Variants in TNKS2 observed in about 807,000 individuals in gnomAD.
TNKS2 encodes the protein poly [ADP-ribose] polymerase tankyrase-2.
TNKS2 carries 72 observed loss-of-function variants against 137.6 expected under a neutral mutation model. That is an observed-to-expected ratio of 0.52 (90% CI 0.43 to 0.64). The LOEUF is 0.64. Ranked by LOEUF, TNKS2 falls within the 30% of genes least tolerant of loss-of-function variation. TNKS2 has a pLI of 0.00. For synonymous variants in TNKS2, 516 were observed against 512.1 expected, an observed-to-expected ratio of 1.01 and a Z score of -0.10; for missense variants, 1,049 against 1,410.2, an observed-to-expected ratio of 0.74 and a Z score of 4.10.
At chr10:91,832,173 T>C (rs2133636569) in intron 11 of TNKS2, among the ~76,000 whole-genome samples, 1 of 152,336 alleles carries the variant, frequency 6.6e-6, no homozygotes, top group South Asian at 2.1e-4. Context: ...AATTATTGAA[T>C]AAAATAAAGT....
intron 1 of TNKS2, among the ~76,000 whole-genome samples, chr10:91,803,265 C>A (rs1033539718): frequency 1.3e-5 from 2 of 152,204 alleles, no homozygotes; most frequent in Non-Finnish European, 2.9e-5. Context: ...ATAATCCCAG[C>A]ACTCTGGGAG....
chr10:91,824,389 T>C (rs1409160097), intron 7 of TNKS2, among the ~76,000 whole-genome samples: 1 of 152,194 alleles, frequency 6.6e-6, no homozygotes, highest in Non-Finnish European at 1.5e-5. Context: ...ATTCAAATAA[T>C]GAAGGTCTGG....
intron 16 of TNKS2, 151 bp downstream of exon 16, chr10:91,842,542 G>A: frequency 1.4e-6 from 1 of 709,822 alleles, no homozygotes; most frequent in South Asian, 1.9e-5. Flanking sequence ...ATGAGGCTAA[G>A]GCAGGAGGAT....
At position 91,822,289 on chromosome 10, in the gene TNKS2, A is replaced by C. The variant is rs763280796; in HGVS notation, c.729-7A>C. On this transcript the variant is annotated splice_region_variant and splice_polypyrimidine_tract_variant and intron_variant, in intron 6 of 26. Coordinates refer to ENST00000371627, the MANE Select transcript of TNKS2 (RefSeq NM_025235.4). ...GAAACAGGATTTTCCCCCCCTTCTCATTGTAGTGATCTGGTACCATTACAC... is the reference window on the plus strand; with the variant it reads ...GAAACAGGATTTTCCCCCCCTTCTCCTTGTAGTGATCTGGTACCATTACAC... 1 of 1,605,304 alleles carries C rather than the reference A, an allele frequency of 6.2e-7. No individual in the cohort carries two copies.
intron 26 of TNKS2, 67 bp from the exon 27 acceptor site, chr10:91,862,870 C>G (rs1423526215): frequency 4.4e-6 from 5 of 1,125,830 alleles, no homozygotes; most frequent in African/African-American, 1.6e-5. Flanking sequence ...AGGAATACTT[C>G]CGGAAAGTCT....
At chr10:91,841,171 A>G in intron 14 of TNKS2, 112 bp from the exon 15 acceptor site, 2 of 958,696 alleles carry the variant, frequency 2.1e-6, no homozygotes, top group Non-Finnish European at 2.9e-6. Flanking sequence ...TACAAAGTAT[A>G]ATCAGTATAA....
rs1327988948 is a variant in TNKS2 at position 91,848,488 on chromosome 10, G to T, written c.2464G>T (p.Ala822Ser). The T allele has an allele frequency of 6.2e-7, 1 of 1,614,044 alleles. No individual in the cohort carries two copies. The highest frequency in any genetic ancestry group is 8.5e-7 in the Non-Finnish European group (1 of 1,180,040). The stretch of plus-strand genomic sequence containing the variant: ...TGGTGTGAGAAGCCCAGGAGCCACT[G>T]CAGATGCTCTCTCTTCAGGTCCATC... ...LNGVRSPGAT[A>S]DALSSGPSSP... Residue 822 changes from alanine to serine, a missense_variant, in exon 19 of 27, where the codon GCA (alanine) becomes TCA (serine). By Grantham distance (99) the Ala-to-Ser change is moderately conservative. Around this residue, in one of 6 missense-constraint regions of TNKS2, gnomAD observed 208 missense variants for 231.2 expected, o/e 0.90. Coordinates refer to ENST00000371627, the MANE Select transcript of TNKS2 (RefSeq NM_025235.4).
chr10:91,860,494 T>C (rs1180306834), intron 25 of TNKS2, among the ~76,000 whole-genome samples: 3 of 152,190 alleles, frequency 2.0e-5, no homozygotes, highest in Non-Finnish European at 4.4e-5. Context: ...TGTGACACTG[T>C]ATTTCTGACC....
chr10:91,859,322 T>C, intron 24 of TNKS2, 140 bp from the exon 25 acceptor site: 2 of 588,206 alleles, frequency 3.4e-6, no homozygotes, highest in Non-Finnish European at 5.5e-6. Flanking sequence ...TGGCTGACAG[T>C]TAACTTGTTA....
In TNKS2 at chr10:91,863,316, C is replaced by A; in HGVS notation, c.*317C>A. On this transcript the variant is annotated 3_prime_UTR_variant, in exon 27 of 27. Coordinates refer to ENST00000371627, the MANE Select transcript of TNKS2 (RefSeq NM_025235.4). ...ATTGATTCTAACAAACTGTAATGCC[C>A]TCAACAGAACTAATTTTACTAATAC... 4.9e-6 allele frequency: 1 copy of A among 203,446 alleles called. No individual in the cohort carries two copies. Among genetic ancestry groups the A allele is most frequent in the Non-Finnish European group, 9.9e-6 (1 of 101,058 alleles). The allele number at this position is 203,446 out of a possible 1,614,324, so 12.6% of individuals were successfully genotyped here.
intron 1 of TNKS2, among the ~76,000 whole-genome samples, chr10:91,805,154 T>C (rs1198997445): frequency 3.3e-5 from 5 of 151,540 alleles, no homozygotes; most frequent in Non-Finnish European, 5.9e-5. Flanking sequence ...TGCCTCCAAA[T>C]AATTTCCTTT....
At chr10:91,815,969 G>A (rs1162355923) in intron 2 of TNKS2, among the ~76,000 whole-genome samples, 10 of 71,168 alleles carry the variant, frequency 1.4e-4, no homozygotes, top group African/African-American at 6.0e-4. Context: ...TTTTTTTTGA[G>A]ACGGAGTCTT....
At chr10:91,835,999 C>A (rs1842001391) in intron 12 of TNKS2, among the ~76,000 whole-genome samples, 1 of 90,320 alleles carries the variant, frequency 1.1e-5, no homozygotes, top group African/African-American at 4.7e-5. Context: ...CATAAGAATA[C>A]CGTGTGTGTG....
rs752172505 is a variant in TNKS2, at chr10:91,848,462, A to T, written c.2438A>T (p.Asn813Ile). The T allele has an allele frequency of 6.2e-7, 1 of 1,614,128 alleles. No homozygotes were observed. The highest frequency in any genetic ancestry group is 8.5e-7 in the Non-Finnish European group (1 of 1,180,028). The change falls in exon 19 of 27, where the codon AAT becomes ATT. Residue 813 changes from asparagine to isoleucine, a missense_variant. Around this residue, in one of 6 missense-constraint regions of TNKS2, gnomAD observed 208 missense variants for 231.2 expected, o/e 0.90. Coordinates refer to ENST00000371627, the MANE Select transcript of TNKS2 (RefSeq NM_025235.4). ...TCTTGTTACAAGCCTCAAGTGCTCA[A>T]TGGTGTGAGAAGCCCAGGAGCCACT... ...LPSCYKPQVL[N>I]GVRSPGATAD...
intron 1 of TNKS2, among the ~76,000 whole-genome samples, chr10:91,806,828 A>G (rs1486856965): frequency 6.6e-6 from 1 of 152,236 alleles, no homozygotes; most frequent in Non-Finnish European, 1.5e-5. Flanking sequence ...TTAAGGAAAG[A>G]TGAACTAAAT....
chr10:91,817,280 G>T, intron 3 of TNKS2, 51 bp downstream of exon 3: 1 of 1,392,154 alleles, frequency 7.2e-7, no homozygotes, highest in Non-Finnish European at 1.0e-6. Context: ...GAACAACCTT[G>T]CCAGGTAGGA....
chr10:91,851,157 A>G (rs193186687), intron 20 of TNKS2, 59 bp from the exon 21 acceptor site: 836 of 1,586,950 alleles, frequency 5.3e-4, no homozygotes, highest in Middle Eastern at 3.7e-3. Flanking sequence ...GAAAACACCA[A>G]TATATGAATG....
chr10:91,851,629 T>G lies in TNKS2; in HGVS notation c.2815+293T>G, dbSNP rs145890911. Among the ~76,000 whole-genome samples, 14 of 152,366 alleles carry G rather than the reference T, an allele frequency of 9.2e-5. No homozygotes were observed. In the East Asian group the frequency reaches 2.7e-3, roughly 29 times the overall value. ...GTTTGAGATTATTTTCTGAAGTTAT[T>G]CTAGCTCTTAAATTGTATTATTTTA... On this transcript the variant is annotated intron_variant, in intron 21 of 26. Coordinates refer to ENST00000371627, the MANE Select transcript of TNKS2 (RefSeq NM_025235.4).
At chr10:91,837,617 C>G (rs75111838) in intron 13 of TNKS2, among the ~76,000 whole-genome samples, 1 of 152,134 alleles carries the variant, frequency 6.6e-6, no homozygotes, top group African/African-American at 2.4e-5. Flanking sequence ...CCCAGCACTT[C>G]GTGAGGCTGA....
Sources: gnomAD v4.1 joint callset for allele counts (sites outside exome capture counted in the v4.1 genomes callset) on GRCh38, gnomAD v4.1.1 for gene constraint, gnomAD v4.1.1 regional missense constraint, MANE v1.5 for transcripts, NCBI Gene and HGNC (gene_info 2026-07-23, HGNC 2026-07-21) for gene names.